Variants in TRIM34 observed in about 807,000 individuals in gnomAD.
TRIM34 encodes tripartite motif containing 34.
A neutral mutation model predicts 38.1 loss-of-function variants in TRIM34; 41 were observed. The observed-to-expected ratio is 1.08, with a 90% CI of 0.84 to 1.40. TRIM34 has a LOEUF of 1.40. TRIM34 is among the 40% of genes most tolerant of loss of function. The probability of loss-of-function intolerance (pLI) is 0.00; values close to 1 mark genes in which losing one functional copy is unlikely to be tolerated. For synonymous variants in TRIM34, 200 were observed against 202.5 expected (o/e 0.99, Z 0.10); for missense variants, 556 against 571.4 (o/e 0.97, Z 0.27).
At chr11:5,635,641 TCTC>T (rs893524720) in intron 4 of TRIM34, among the ~76,000 whole-genome samples, 2 of 152,172 alleles carry the variant, frequency 1.3e-5, no homozygotes, top group Non-Finnish European at 2.9e-5. Flanking sequence ...CAGACAGTGC[TCTC>T]CTTTCTTTGC....
chr11:5,625,238 G>T (rs1849151906), intron 1 of TRIM34, among the ~76,000 whole-genome samples, 178 bp downstream of exon 1: 1 of 152,152 alleles, frequency 6.6e-6, no homozygotes, highest in Non-Finnish European at 1.5e-5. Flanking sequence ...GTCTGGGGAG[G>T]GACAGCCTTG....
At position 5,639,845 on chromosome 11, in the gene TRIM34, T is replaced by A. The variant is rs1478823008; in HGVS notation, c.751-1322T>A. ...AGCTTTTTTAAAAATTAGTTTTTAT[T>A]GGTACTTAATAAGTATACATATTTA... On this transcript the variant is annotated intron_variant, in intron 4 of 7. Transcript: ENST00000429814. Among the ~76,000 whole-genome samples, 2 of 152,114 alleles carry A rather than the reference T, an allele frequency of 1.3e-5. 1 individual carries two copies. The highest frequency in any genetic ancestry group is 4.8e-5 in the African/African-American group (2 of 41,436).
chr11:5,643,127 T>A lies in TRIM34; in HGVS notation c.902-17T>A, dbSNP rs202235864. ...TATATTCATATACATATATATATAT[T>A]TTTTTTTTTCTTGCAGTGGATGTCA... On this transcript the variant is annotated splice_polypyrimidine_tract_variant and intron_variant, in intron 7 of 7. Coordinates refer to ENST00000429814, the MANE Select transcript of TRIM34 (RefSeq NM_021616.6). The A allele has an allele frequency of 1.7e-3, 897 of 521,262 alleles. 42 individuals are homozygous for A. The highest frequency in any genetic ancestry group is 6.2e-3 in the African/African-American group (119 of 19,144). The allele number at this position is 521,262 out of a possible 1,614,324, so 32.3% of individuals were successfully genotyped here.
At chr11:5,631,783 A>C (rs1043129232) in intron 1 of TRIM34, among the ~76,000 whole-genome samples, 1 of 152,244 alleles carries the variant, frequency 6.6e-6, no homozygotes, top group Non-Finnish European at 1.5e-5. Flanking sequence ...TTTATCAAAC[A>C]TTGTGCTTCT....
chr11:5,625,533 G>C (rs1340058665), intron 1 of TRIM34, among the ~76,000 whole-genome samples: 1 of 152,138 alleles, frequency 6.6e-6, no homozygotes, highest in Non-Finnish European at 1.5e-5. Flanking sequence ...AGATAGAATG[G>C]AGCCATGGGA....
At chr11:5,629,466 G>A (rs1849385287) in intron 1 of TRIM34, among the ~76,000 whole-genome samples, 1 of 152,142 alleles carries the variant, frequency 6.6e-6, no homozygotes, top group South Asian at 2.1e-4. Context: ...TGCCTACTGA[G>A]AGCCACCCTT....
rs1424480351 is a variant in TRIM34, at chr11:5,643,554, G to A, written c.1312G>A (p.Asp438Asn). Residue 438 changes from aspartate (D) to asparagine (N), a missense_variant, in exon 8 of 8, where the codon GAC (aspartate) becomes AAC (asparagine). Asp to Asn is a conservative substitution (Grantham distance 23, BLOSUM62 1). Transcript: ENST00000429814. ...TCCCTGCCGTGTTGGGGTTTTCCTC[G>A]ACTATGAAGCAGGCATTGTCTCATT... ...VPPCRVGVFL[D>N]YEAGIVSFFN... is the part of the protein sequence containing the mutation. 14 of 1,614,062 alleles carry A rather than the reference G, an allele frequency of 8.7e-6. No homozygotes were observed. The South Asian group carries it at 9.9e-5, about 11-fold the overall frequency.
At chr11:5,641,080 A>ATTT in intron 4 of TRIM34, 87 bp from the exon 5 acceptor site, 1 of 1,377,504 alleles carries the variant, frequency 7.3e-7, no homozygotes, top group South Asian at 1.5e-5. Context: ...TGATTTTTCC[A>ATTT]TTTTTTTTCC....
intron 1 of TRIM34, among the ~76,000 whole-genome samples, chr11:5,627,055 G>A (rs994334832): frequency 3.9e-5 from 6 of 152,084 alleles, no homozygotes; most frequent in African/African-American, 1.2e-4. Context: ...GTCTACTGAT[G>A]TAAGAACAGA....
At position 5,634,732 on chromosome 11, in the gene TRIM34, A is replaced by C. The variant is rs561793549; in HGVS notation, c.621A>C (p.Glu207Asp). ...AGAGAGAGCTGCAAAGATTGGAAGA[A>C]GAAGAAAAGAAGACGCTGGATAAGT... ...EEQRELQRLE[E>D]EEKKTLDKFA... Residue 207 changes from glutamate to aspartate, a missense_variant, in exon 4 of 8, where the codon GAA becomes GAC. Coordinates refer to ENST00000429814, the MANE Select transcript of TRIM34 (RefSeq NM_021616.6). The C allele has an allele frequency of 4.2e-5, 67 of 1,614,146 alleles. 1 individual carries two copies. Among genetic ancestry groups the C allele is most frequent in the Admixed American group, 6.7e-5 (4 of 60,022 alleles).
At chr11:5,639,679 C>CAAAAAAAAAAAAAA (rs58134807) in intron 4 of TRIM34, among the ~76,000 whole-genome samples, 2 of 51,128 alleles carry the variant, frequency 3.9e-5, no homozygotes, top group African/African-American at 8.7e-5. Context: ...GACTCTATTT[C>CAAAAAAAAAAAAAA]AAAAAAAAAA....
At position 5,632,731 on chromosome 11, in the gene TRIM34, G is replaced by A. The variant is rs1183875132; in HGVS notation, c.400G>A (p.Glu134Lys). The A allele has an allele frequency of 6.2e-7, 1 of 1,607,560 alleles. No individual in the cohort carries two copies. Among genetic ancestry groups the A allele is most frequent in the Admixed American group, 1.7e-5 (1 of 59,622 alleles). ...EHRGHHTVLTEEVFKECQEKL... is the reference protein window; with the variant it reads ...EHRGHHTVLTKEVFKECQEKL... ...CCGTGGTCACCACACAGTCCTCACG[G>A]AGGAAGTATTCAAGGAATGTCAGGT... The change falls in exon 2 of 8, where the codon GAG becomes AAG. Residue 134 changes from glutamate to lysine, a missense_variant. Coordinates refer to ENST00000429814, the MANE Select transcript of TRIM34 (RefSeq NM_021616.6).
intron 3 of TRIM34, among the ~76,000 whole-genome samples, chr11:5,634,122 G>C (rs546311721): frequency 1.6e-4 from 24 of 152,262 alleles, no homozygotes; most frequent in African/African-American, 2.9e-4. Context: ...TCTATGATGA[G>C]GAAGGCTAGC....
intron 3 of TRIM34, 53 bp from the exon 4 acceptor site, chr11:5,634,578 A>G (rs1849642166): frequency 3.9e-6 from 6 of 1,533,930 alleles, no homozygotes; most frequent in African/African-American, 1.4e-5. Flanking sequence ...CCCTTGCACA[A>G]TAGGCCTTAG....
intron 5 of TRIM34, among the ~76,000 whole-genome samples, chr11:5,641,513 T>C (rs758198315): frequency 7.9e-5 from 12 of 152,212 alleles, no homozygotes; most frequent in Non-Finnish European, 1.6e-4. Flanking sequence ...CCTGGATCTT[T>C]TATTTTATAT....
At chr11:5,642,538 G>C (rs755297167) in intron 6 of TRIM34, 32 bp downstream of exon 6, 27 of 1,609,644 alleles carry the variant, frequency 1.7e-5, no homozygotes, top group Non-Finnish European at 2.0e-5. Context: ...CTGTGGATGT[G>C]GGATTGTTGT....
intron 1 of TRIM34, among the ~76,000 whole-genome samples, chr11:5,631,756 G>A (rs1323084734): frequency 3.9e-5 from 6 of 152,098 alleles, no homozygotes; most frequent in Non-Finnish European, 7.4e-5. Context: ...GAGAGACAGG[G>A]AAGTTTTTTT....
At chr11:5,639,854 A>G (rs962955727) in intron 4 of TRIM34, among the ~76,000 whole-genome samples, 25 of 152,074 alleles carry the variant, frequency 1.6e-4, no homozygotes, top group African/African-American at 6.0e-4. Context: ...TTGGTACTTA[A>G]TAAGTATACA....
At chr11:5,633,944 G>A (rs1849602502) in intron 3 of TRIM34, 45 bp downstream of exon 3, 8 of 1,605,808 alleles carry the variant, frequency 5.0e-6, no homozygotes, top group Non-Finnish European at 6.8e-6. Context: ...AATCTTGACA[G>A]GACCTTAATC....
Sources: allele counts gnomAD v4.1 joint callset (sites outside exome capture counted in the v4.1 genomes callset), GRCh38; gene constraint gnomAD v4.1.1; transcripts MANE v1.5; gene names NCBI Gene and HGNC (gene_info 2026-07-23, HGNC 2026-07-21).